Variants in EP300 observed in about 807,000 individuals in gnomAD.
EP300 encodes EP300 lysine acetyltransferase.
In EP300, 31 loss-of-function variants were observed where a neutral mutation model predicts 264.0. The observed-to-expected ratio is 0.12, with a 90% CI of 0.09 to 0.16. EP300 has a LOEUF of 0.16. EP300 is among the 10% of genes least tolerant of loss of function. The pLI is 1.00. For synonymous variants in EP300, 1,340 were observed against 1,045.4 expected (o/e 1.28, Z -5.44); for missense variants, 2,766 against 3,052.9 (o/e 0.91, Z 2.21).
In EP300 at chr22:41,157,150, A is replaced by T. The variant is rs2059081864; in HGVS notation, c.3262-19A>T. 4 of 1,613,740 alleles carry T rather than the reference A, an allele frequency of 2.5e-6. No homozygotes were observed. Among genetic ancestry groups the T allele is most frequent in the Non-Finnish European group, 8.5e-7 (1 of 1,179,910 alleles). On this transcript the variant is annotated intron_variant, in intron 17 of 30. Coordinates refer to ENST00000263253, the MANE Select transcript of EP300 (RefSeq NM_001429.4). The stretch of plus-strand genomic sequence containing the variant: ...AATAGTGAGACTTGAGTAATGTTTG[A>T]TGTCACTTGTCTTTCTAGGATTACT...
At chr22:41,168,418 C>T (rs1363779911) in intron 23 of EP300, 31 bp from the exon 24 acceptor site, 1 of 1,613,692 alleles carries the variant, frequency 6.2e-7, no homozygotes, top group Admixed American at 1.7e-5. Flanking sequence ...TAAATTTGCA[C>T]CTCAGTAACT....
At chr22:41,138,551 G>A (rs558297747) in intron 8 of EP300, among the ~76,000 whole-genome samples, 3 of 152,212 alleles carry the variant, frequency 2.0e-5, no homozygotes, top group Middle Eastern at 3.4e-3. Context: ...GTTTATTTTT[G>A]AGAAGTTGAT....
chr22:41,108,768 T>C (rs958794386), intron 1 of EP300, among the ~76,000 whole-genome samples: 2 of 152,216 alleles, frequency 1.3e-5, no homozygotes, highest in Non-Finnish European at 2.9e-5. Flanking sequence ...AGCCTGGTGA[T>C]GTTGATTGGT....
In EP300 at chr22:41,092,713, T is replaced by G. The variant is rs1243567945; in HGVS notation, c.-292T>G. 1 of 605,424 alleles carries G rather than the reference T, an allele frequency of 1.7e-6. No homozygotes were observed. Among genetic ancestry groups the G allele is most frequent in the Non-Finnish European group, 3.0e-6 (1 of 333,672 alleles). 37.5% of individuals were successfully genotyped at this position (605,424 alleles called of 1,614,324 possible). On this transcript the variant is annotated 5_prime_UTR_variant, in exon 1 of 31. Coordinates refer to ENST00000263253, the MANE Select transcript of EP300 (RefSeq NM_001429.4). Reference sequence around the variant, plus strand: ...GGGACTGCGCCTCTAGAGCCGCGAGTTCTCGGGAATTCGCCGCAGCGGACG... The same window carrying G: ...GGGACTGCGCCTCTAGAGCCGCGAGGTCTCGGGAATTCGCCGCAGCGGACG...
intron 2 of EP300, among the ~76,000 whole-genome samples, chr22:41,120,599 C>T (rs2058846836): frequency 6.6e-6 from 1 of 152,182 alleles, no homozygotes; most frequent in African/African-American, 2.4e-5. Flanking sequence ...GGTGACATTA[C>T]TACTACAGCT....
At chr22:41,105,947 A>G (rs1318381426) in intron 1 of EP300, among the ~76,000 whole-genome samples, 4 of 152,180 alleles carry the variant, frequency 2.6e-5, no homozygotes, top group Non-Finnish European at 5.9e-5. Flanking sequence ...TTTTTGGAGT[A>G]TTAGAGATCT....
At chr22:41,167,006 A>T (rs1373018087) in intron 23 of EP300, among the ~76,000 whole-genome samples, 1 of 151,932 alleles carries the variant, frequency 6.6e-6, no homozygotes, top group East Asian at 1.9e-4. Flanking sequence ...ATTATTTTTT[A>T]TTTTATTTTT....
intron 29 of EP300, among the ~76,000 whole-genome samples, chr22:41,175,698 G>C (rs145182067): frequency 7.2e-5 from 11 of 152,210 alleles, no homozygotes; most frequent in African/African-American, 2.7e-4. Context: ...GTTAAACCAT[G>C]GATTGCATCT....
intron 3 of EP300, among the ~76,000 whole-genome samples, chr22:41,126,862 A>G (rs1259545155): frequency 1.4e-5 from 2 of 144,340 alleles, no homozygotes; most frequent in Non-Finnish European, 3.0e-5. Context: ...CTCCTGCCTC[A>G]GCCTTCTGAG....
intron 7 of EP300, among the ~76,000 whole-genome samples, chr22:41,137,013 T>TCA (rs1019756000): frequency 6.6e-6 from 1 of 150,844 alleles, no homozygotes; most frequent in Non-Finnish European, 1.5e-5. Context: ...TGAGCTGAGA[T>TCA]CATGCCACTG....
At chr22:41,118,410 T>C (rs1265140877) in intron 2 of EP300, among the ~76,000 whole-genome samples, 2 of 152,234 alleles carry the variant, frequency 1.3e-5, no homozygotes, top group Non-Finnish European at 2.9e-5. Flanking sequence ...GTGGATCCTG[T>C]ATACATAAAT....
chr22:41,130,229 T>C (rs1175978048), intron 5 of EP300, among the ~76,000 whole-genome samples: 1 of 146,296 alleles, frequency 6.8e-6, no homozygotes, highest in Non-Finnish European at 1.5e-5. Flanking sequence ...CCAGCCTGAG[T>C]GATGGAGTGA....
At chr22:41,171,932 A>G (rs2059173195) in intron 27 of EP300, among the ~76,000 whole-genome samples, 1 of 152,176 alleles carries the variant, frequency 6.6e-6, no homozygotes, top group Non-Finnish European at 1.5e-5. Context: ...TTCTTAATTA[A>G]CAGTATTATG....
At chr22:41,107,908 TAGTC>T (rs3216439) in intron 1 of EP300, 78,784 of 151,376 alleles carry the variant, frequency 0.52, 23,134 homozygotes, top group Admixed American at 0.72. Flanking sequence ...TTTTCCGTGT[TAGTC>T]AGGCTGGTCT....
intron 1 of EP300, among the ~76,000 whole-genome samples, chr22:41,094,488 A>G (rs1367531165): frequency 3.3e-5 from 5 of 152,192 alleles, no homozygotes; most frequent in Non-Finnish European, 5.9e-5. Context: ...GAGTTCCTCT[A>G]CCTAAGGCTT....
intron 10 of EP300, among the ~76,000 whole-genome samples, chr22:41,143,900 A>G (rs990516873): frequency 1.3e-5 from 2 of 152,172 alleles, no homozygotes; most frequent in East Asian, 3.8e-4. Flanking sequence ...TTTTGTTTTA[A>G]TACAAAGAAT....
rs1555911073 is a variant in EP300 at position 41,168,487 on chromosome 22, C to T, written c.3913C>T (p.Arg1305Cys). The T allele has an allele frequency of 6.2e-7, 1 of 1,614,218 alleles. No homozygotes were observed. Among genetic ancestry groups the T allele is most frequent in the Non-Finnish European group, 8.5e-7 (1 of 1,180,034 alleles). ...CAGACTTGGCACCTTTCTAGAGAAT[C>T]GTGTGAATGACTTTCTGAGGCGACA... ...STRLGTFLEN[R>C]VNDFLRRQNH... The change falls in exon 24 of 31, where the codon CGT becomes TGT. Residue 1305 changes from arginine to cysteine, a missense_variant. By Grantham distance (180) the Arg-to-Cys change is radical. Coordinates refer to ENST00000263253, the MANE Select transcript of EP300 (RefSeq NM_001429.4).
At position 41,168,557 on chromosome 22, in the gene EP300, C is replaced by T. The variant is rs1223884893; in HGVS notation, c.3983C>T (p.Ala1328Val). The T allele has an allele frequency of 3.1e-6, 5 of 1,614,166 alleles. No homozygotes were observed. The South Asian group carries it at 4.4e-5, about 14-fold the overall frequency. The change falls in exon 24 of 31, where the codon GCT (alanine) becomes GTT (valine). Residue 1328 changes from alanine to valine, a missense_variant. By Grantham distance (64) the Ala-to-Val change is moderately conservative. Coordinates refer to ENST00000263253, the MANE Select transcript of EP300 (RefSeq NM_001429.4). ...SGEVTVRVVH[A>V]SDKTVEVKPG... ...GAGGTCACTGTTAGAGTAGTTCATG[C>T]TTCTGACAAAACCGTGGAAGTAAAA...
At chr22:41,116,819 G>T (rs987697594) in intron 1 of EP300, among the ~76,000 whole-genome samples, 4 of 152,136 alleles carry the variant, frequency 2.6e-5, no homozygotes, top group Non-Finnish European at 4.4e-5. Flanking sequence ...CCAGCACTTT[G>T]GAAGGCCAAT....
Sources: allele counts gnomAD v4.1 joint callset (sites outside exome capture counted in the v4.1 genomes callset), GRCh38; gene constraint gnomAD v4.1.1; transcripts MANE v1.5; gene names NCBI Gene and HGNC (gene_info 2026-07-23, HGNC 2026-07-21).